The following MAB21L3 variants were observed in gnomAD, a reference collection of about 807,000 sequenced individuals.
MAB21L3 encodes mab-21 like 3.
MAB21L3 carries 36 observed loss-of-function variants against 37.7 expected under a neutral mutation model. The observed-to-expected ratio is 0.96, with a 90% CI of 0.73 to 1.26. The LOEUF (loss-of-function observed/expected upper bound fraction) is 1.26. Among genes scored for constraint, MAB21L3 ranks in the 50% most tolerant of loss-of-function variants. MAB21L3 has a pLI of 0.00. For missense variants in MAB21L3, 430 were observed against 447.3 expected (o/e 0.96, Z 0.35); for synonymous variants, 186 against 176.8 (o/e 1.05, Z -0.41).
rs1263883724 is a variant in MAB21L3, at chr1:116,137,222, C to G, written c.*3857C>G. Among the ~76,000 whole-genome samples, 3 of 105,338 alleles carry G rather than the reference C, an allele frequency of 2.8e-5. No homozygotes were observed. Among genetic ancestry groups the G allele is most frequent in the African/African-American group, 8.2e-5 (1 of 12,236 alleles). The allele number at this position is 105,338 out of a possible 152,430, so 69.1% of individuals were successfully genotyped here. A position where few individuals can be genotyped will look rare whatever the true frequency, so the allele number is the denominator to read the frequency against. Reference sequence around the variant, plus strand: ...AATGGGAGAAAATTTTCACAACCTACTCATCTGACAAAGGGCTAATATCCA... The same window carrying G: ...AATGGGAGAAAATTTTCACAACCTAGTCATCTGACAAAGGGCTAATATCCA... On this transcript the variant is annotated 3_prime_UTR_variant, in exon 8 of 8. Transcript: ENST00000369500.
chr1:116,125,642 A>G (rs1330981703), intron 5 of MAB21L3, among the ~76,000 whole-genome samples: 1 of 152,274 alleles, frequency 6.6e-6, no homozygotes, highest in Non-Finnish European at 1.5e-5. Flanking sequence ...TTGTCTAGAC[A>G]GAATAGTTCT....
At chr1:116,113,940 C>G (rs1659498770) in intron 3 of MAB21L3, among the ~76,000 whole-genome samples, 1 of 152,108 alleles carries the variant, frequency 6.6e-6, no homozygotes. Flanking sequence ...GTGGTTGAGT[C>G]TCCCATTTCT....
chr1:116,122,518 C>T (rs1307930321), intron 4 of MAB21L3, among the ~76,000 whole-genome samples: 1 of 152,160 alleles, frequency 6.6e-6, no homozygotes, highest in Non-Finnish European at 1.5e-5. Flanking sequence ...TATAAAATTG[C>T]TTTTAACTTA....
intron 7 of MAB21L3, among the ~76,000 whole-genome samples, chr1:116,132,303 T>TA (rs1660087089): frequency 6.6e-6 from 1 of 151,730 alleles, no homozygotes; most frequent in Admixed American, 6.6e-5. Flanking sequence ...GGCCAAGGAG[T>TA]AAAAGCCTGC....
intron 5 of MAB21L3, among the ~76,000 whole-genome samples, chr1:116,124,973 A>T (rs1659861629): frequency 6.6e-6 from 1 of 152,000 alleles, no homozygotes; most frequent in African/African-American, 2.4e-5. Context: ...AATTTTCTTA[A>T]TTTATAAATC....
Position 116,135,463 on chromosome 1 carries a change from A to T in MAB21L3, c.*2098A>T, listed in dbSNP as rs368783932. On this transcript the variant is annotated 3_prime_UTR_variant, in exon 8 of 8. Coordinates refer to ENST00000369500, the MANE Select transcript of MAB21L3 (RefSeq NM_152367.3). Reference sequence around the variant, plus strand: ...AATCTCTGAATAGACCAATAACAGGATCTGAAATTGTGGCAATAATCAATA... The same window carrying T: ...AATCTCTGAATAGACCAATAACAGGTTCTGAAATTGTGGCAATAATCAATA... Among the ~76,000 whole-genome samples, 7 of 152,112 alleles carry T rather than the reference A, an allele frequency of 4.6e-5. No homozygotes were observed. In the South Asian group the frequency reaches 1.2e-3, roughly 27 times the overall value.
chr1:116,123,982 G>A, intron 4 of MAB21L3, 84 bp from the exon 5 acceptor site: 1 of 1,427,158 alleles, frequency 7.0e-7, no homozygotes, highest in South Asian at 1.4e-5. Context: ...AGAGCTGCCT[G>A]ACGAGACAGG....
At chr1:116,128,515 A>C (rs1227327367) in intron 7 of MAB21L3, among the ~76,000 whole-genome samples, 176 bp downstream of exon 7, 1 of 152,194 alleles carries the variant, frequency 6.6e-6, no homozygotes, top group Non-Finnish European at 1.5e-5. Flanking sequence ...TATTATGGAA[A>C]TATGTAAACT....
chr1:116,113,138 C>T (rs1299474384), intron 3 of MAB21L3, among the ~76,000 whole-genome samples: 3 of 152,108 alleles, frequency 2.0e-5, no homozygotes, highest in African/African-American at 7.2e-5. Flanking sequence ...TTAATTTCTT[C>T]TAGATGGTCT....
rs771485634 is a variant in MAB21L3 at position 116,120,915 on chromosome 1, G to T, written c.49-17G>T. The T allele has an allele frequency of 5.0e-6, 8 of 1,613,318 alleles. No individual in the cohort carries two copies. The South Asian group carries it at 5.5e-5, about 11-fold the overall frequency. On this transcript the variant is annotated splice_polypyrimidine_tract_variant and intron_variant, in intron 3 of 7. Transcript: ENST00000369500. ...ACAGAGGAAATAACCACCATTGCTGGTCCCTCTCACACCCAGGTGGACTTG... is the reference window on the plus strand; with the variant it reads ...ACAGAGGAAATAACCACCATTGCTGTTCCCTCTCACACCCAGGTGGACTTG...
Position 116,135,763 on chromosome 1 carries a change from C to G in MAB21L3, c.*2398C>G, listed in dbSNP as rs1660188275. Among the ~76,000 whole-genome samples, 1 of 152,112 alleles carries G rather than the reference C, an allele frequency of 6.6e-6. No individual in the cohort carries two copies. ...TGGCAAACCGAATCCAGCAGCACAT[C>G]AAAAAGCTTATCCACCATGATCAAG... On this transcript the variant is annotated 3_prime_UTR_variant, in exon 8 of 8. Transcript: ENST00000369500.
intron 4 of MAB21L3, among the ~76,000 whole-genome samples, chr1:116,121,820 T>C (rs1240740659): frequency 6.6e-6 from 1 of 152,240 alleles, no homozygotes; most frequent in Non-Finnish European, 1.5e-5. Context: ...TACTTAAACC[T>C]GTAAACCACC....
At chr1:116,122,879 C>A (rs1422175183) in intron 4 of MAB21L3, among the ~76,000 whole-genome samples, 1 of 152,216 alleles carries the variant, frequency 6.6e-6, no homozygotes, top group Non-Finnish European at 1.5e-5. Flanking sequence ...ATGTACAGAT[C>A]TGAAATTCCA....
At chr1:116,119,306 G>A (rs1350862320) in intron 3 of MAB21L3, among the ~76,000 whole-genome samples, 1 of 152,130 alleles carries the variant, frequency 6.6e-6, no homozygotes, top group African/African-American at 2.4e-5. Flanking sequence ...CTGATGAACT[G>A]ACCCTATATG....
At chr1:116,123,262 C>A (rs1242910768) in intron 4 of MAB21L3, among the ~76,000 whole-genome samples, 2 of 152,194 alleles carry the variant, frequency 1.3e-5, no homozygotes, top group Non-Finnish European at 2.9e-5. Flanking sequence ...GAGAAAGGGG[C>A]TAGGTAAATT....
In MAB21L3 at chr1:116,134,341, G is replaced by A. The variant is rs1660158415; in HGVS notation, c.*976G>A. On this transcript the variant is annotated 3_prime_UTR_variant, in exon 8 of 8. Coordinates refer to ENST00000369500, the MANE Select transcript of MAB21L3 (RefSeq NM_152367.3). ...CGGGAACACAGCAAAGAGCAAAGTG[G>A]ATGAGGACCTCCCCCTGGGGATGCC... 1 of 152,262 alleles carries A rather than the reference G, an allele frequency of 6.6e-6. No homozygotes were observed. The highest frequency in any genetic ancestry group is 2.1e-4 in the South Asian group (1 of 4,830). The allele number at this position is 152,262 out of a possible 1,614,324, so 9.4% of individuals were successfully genotyped here. A position where few individuals can be genotyped will look rare whatever the true frequency, so the allele number is the denominator to read the frequency against.
At position 116,134,608 on chromosome 1, in the gene MAB21L3, A is replaced by C. The variant is rs575493748; in HGVS notation, c.*1243A>C. ...CAGGAAGGAATCAGTATTTTATTCT[A>C]AGATCAAAGGTGTGACATTTGGCCT... On this transcript the variant is annotated 3_prime_UTR_variant, in exon 8 of 8. Transcript: ENST00000369500. The C allele has an allele frequency of 2.0e-5, 3 of 152,382 alleles. No individual in the cohort carries two copies. In the South Asian group the frequency reaches 6.2e-4, roughly 32 times the overall value. 9.4% of individuals were successfully genotyped at this position (152,382 alleles called of 1,614,324 possible).
At chr1:116,115,807 C>T (rs1659571855) in intron 3 of MAB21L3, among the ~76,000 whole-genome samples, 1 of 152,130 alleles carries the variant, frequency 6.6e-6, no homozygotes, top group Non-Finnish European at 1.5e-5. Flanking sequence ...AACAATGAAC[C>T]TGATGCTGTG....
At chr1:116,115,135 G>A (rs931517518) in intron 3 of MAB21L3, among the ~76,000 whole-genome samples, 2 of 152,134 alleles carry the variant, frequency 1.3e-5, no homozygotes, top group African/African-American at 4.8e-5. Flanking sequence ...ATAAAATGGG[G>A]ATAATCATAG....
Sources: allele counts gnomAD v4.1 joint callset (sites outside exome capture counted in the v4.1 genomes callset), GRCh38; gene constraint gnomAD v4.1.1; transcripts MANE v1.5; gene names NCBI Gene and HGNC (gene_info 2026-07-23, HGNC 2026-07-21).